The following MT4 variants were observed in gnomAD, a reference collection of about 807,000 sequenced individuals.
MT4 encodes metallothionein 4, also known as metallothionein-4.
MT4 carries 11 observed loss-of-function variants against 9.5 expected under a neutral mutation model. The ratio of observed to expected loss-of-function variants is 1.16; its 90% CI spans 0.73 to 1.92. The LOEUF is 1.92. Ranked by LOEUF, MT4 falls within the 30% of genes most tolerant of loss-of-function variation. The pLI, the probability that MT4 is intolerant of heterozygous loss-of-function variation, is 0.00. For synonymous variants in MT4, 29 were observed against 24.6 expected (o/e 1.18, Z -0.53); for missense variants, 88 against 78.7 (o/e 1.12, Z -0.45).
chr16:56,568,271 G>GAGAGAGAA (rs1567330643), intron 2 of MT4, among the ~76,000 whole-genome samples: 36 of 58,640 alleles, frequency 6.1e-4, no homozygotes, highest in South Asian at 5.0e-3. Context: ...GAGAGAGAGA[G>GAGAGAGAA]AGAAAGAAAG....
At chr16:56,567,603 A>G in intron 1 of MT4, 148 bp from the exon 2 acceptor site, 1 of 685,734 alleles carries the variant, frequency 1.5e-6, no homozygotes. Context: ...CACTGGGTCG[A>G]TGCTCAGCAG....
chr16:56,568,624 C>T (rs1875225), intron 2 of MT4, among the ~76,000 whole-genome samples: 2,336 of 152,238 alleles, frequency 0.015, 45 homozygotes, highest in African/African-American at 0.053. Flanking sequence ...TGGCAAACCC[C>T]CTCCCTTCTG....
At chr16:56,566,798 G>GAA (rs1293946294) in intron 1 of MT4, among the ~76,000 whole-genome samples, 2 of 46,176 alleles carry the variant, frequency 4.3e-5, no homozygotes, top group African/African-American at 1.2e-4. Context: ...AAGAAAGAAA[G>GAA]AAAGAAAGAA....
At position 56,568,882 on chromosome 16, in the gene MT4, CG is replaced by C; in HGVS notation, c.143del (p.Gly48AlafsTer?). The C allele has an allele frequency of 6.2e-7, 1 of 1,608,894 alleles. No homozygotes were observed. Among genetic ancestry groups the C allele is most frequent in the Admixed American group, 1.7e-5 (1 of 59,408 alleles). ...CCCCCCGGGCTGTGCCAAATGTGCC[CG>C]GGGCTGCATCTGCAAAGGAGGCTCA... ...CCPPGCAKCA[R>X]GCICKGGSDK... On this transcript the variant is annotated frameshift_variant, in exon 3 of 3. Transcript: ENST00000219162. LOFTEE classifies it high-confidence loss of function.
intron 2 of MT4, among the ~76,000 whole-genome samples, chr16:56,568,207 G>A (rs1190247051): frequency 1.3e-5 from 1 of 74,194 alleles, no homozygotes; most frequent in African/African-American, 6.0e-5. Context: ...AAGAGAGAGA[G>A]AGAGAGAGAA....
intron 1 of MT4, 134 bp downstream of exon 1, chr16:56,565,293 G>A: frequency 1.1e-6 from 1 of 899,666 alleles, no homozygotes; most frequent in Non-Finnish European, 1.6e-6. Flanking sequence ...GGAGCCGACA[G>A]GTGGACTGGC....
intron 1 of MT4, among the ~76,000 whole-genome samples, chr16:56,566,700 G>GAGAAAGAAAGAAAGAAAGAA (rs779895274): frequency 4.1e-5 from 3 of 73,416 alleles, no homozygotes; most frequent in South Asian, 6.5e-4. Context: ...AAGAAAGAAA[G>GAGAAAGAAAGAAAGAAAGAA]AGAAAGAAAG....
At chr16:56,568,257 A>AGAGAGAGAGAG (rs1567330602) in intron 2 of MT4, among the ~76,000 whole-genome samples, 1 of 83,290 alleles carries the variant, frequency 1.2e-5, no homozygotes, top group Non-Finnish European at 2.3e-5. Flanking sequence ...GAAAGAAAGA[A>AGAGAGAGAGAG]AGAGAGAGAG....
rs1567330627 is a variant in MT4, at chr16:56,568,267, G to GAAAGAAAGAAAGA, written c.97+452_97+453insAAGAAAGAAAGAA. Reference sequence around the variant, plus strand: ...AGAAAGAAAGAAAGAAAGAGAGAGAGAGAGAGAAAGAAAGAAAGAAAGAAA... The same window carrying GAAAGAAAGAAAGA: ...AGAAAGAAAGAAAGAAAGAGAGAGAGAAAGAAAGAAAGAAGAGAGAAAGAAAGAAAGAAAGAAA... On this transcript the variant is annotated intron_variant, in intron 2 of 2. Transcript: ENST00000219162. Among the ~76,000 whole-genome samples, 28 of 68,582 alleles carry GAAAGAAAGAAAGA rather than the reference G, an allele frequency of 4.1e-4. 1 individual carries two copies. Among genetic ancestry groups the GAAAGAAAGAAAGA allele is most frequent in the African/African-American group, 1.5e-3 (26 of 17,872 alleles). The allele number at this position is 68,582 out of a possible 152,430, so 45.0% of individuals were successfully genotyped here.
At chr16:56,566,725 AGAAAGAAAGAAAGAAAGAAAGAAGGAAG>A (rs1407318643) in intron 1 of MT4, among the ~76,000 whole-genome samples, 8 of 25,108 alleles carry the variant, frequency 3.2e-4, no homozygotes, top group African/African-American at 9.0e-4. Context: ...AAAGAAAGAA[AGAAAGAAAGAAAGAAAGAAAGAAGGAAG>A]GAAGGAAGGA....
intron 2 of MT4, among the ~76,000 whole-genome samples, chr16:56,568,215 GAAAGAA>G (rs1959565344): frequency 1.3e-4 from 3 of 23,792 alleles, no homozygotes; most frequent in Non-Finnish European, 2.0e-4. Context: ...GAGAGAGAGA[GAAAGAA>G]AGAAAGAAAG....
intron 1 of MT4, among the ~76,000 whole-genome samples, chr16:56,565,903 A>T (rs1244141400): frequency 1.3e-5 from 2 of 151,594 alleles, no homozygotes; most frequent in African/African-American, 2.4e-5. Flanking sequence ...ATGTCTACAA[A>T]TTTTTTTTAA....
At position 56,568,868 on chromosome 16, in the gene MT4, G is replaced by A; in HGVS notation, c.125G>A (p.Cys42Tyr). 3.7e-6 allele frequency: 6 copies of A among 1,608,410 alleles called. No homozygotes were observed. The highest frequency in any genetic ancestry group is 4.2e-6 in the Non-Finnish European group (5 of 1,177,046). ...KSCCPCCPPG[C>Y]AKCARGCICK... ...TGCTGTCCCTGCTGCCCCCCGGGCT[G>A]TGCCAAATGTGCCCGGGGCTGCATC... The change falls in exon 3 of 3, where the codon TGT becomes TAT. Residue 42 changes from cysteine to tyrosine, a missense_variant. By Grantham distance (194) the Cys-to-Tyr change is radical (BLOSUM62 -2). Coordinates refer to ENST00000219162, the MANE Select transcript of MT4 (RefSeq NM_032935.3).
chr16:56,568,267 G>GAAAGAAAGAAAGAAGAA (rs1567330627), intron 2 of MT4, among the ~76,000 whole-genome samples: 2 of 68,504 alleles, frequency 2.9e-5, no homozygotes, highest in African/African-American at 1.1e-4. Flanking sequence ...AAGAGAGAGA[G>GAAAGAAAGAAAGAAGAA]AGAGAGAAAG....
chr16:56,567,707 C>T, intron 1 of MT4, 44 bp from the exon 2 acceptor site: 1 of 1,577,120 alleles, frequency 6.3e-7, no homozygotes, highest in South Asian at 1.1e-5. Flanking sequence ...TTCCCCACTC[C>T]ATCTCCATCC....
rs1243427670 is a variant in MT4, at chr16:56,566,908, C to G, written c.32-843C>G. On this transcript the variant is annotated intron_variant, in intron 1 of 2. Transcript: ENST00000219162. ...AAAGGAAAGGAAGAAACAAACAAAA[C>G]AAGGTGTGGCTCTGTGGCTCTTGTT... 1.3e-5 allele frequency among the ~76,000 whole-genome samples: 2 copies of G among 152,096 alleles called. 1 individual carries two copies. The highest frequency in any genetic ancestry group is 4.8e-5 in the African/African-American group (2 of 41,408).
At chr16:56,566,791 AAAGAAAGAAAGAAAGAAAGAAAG>A (rs1959533904) in intron 1 of MT4, among the ~76,000 whole-genome samples, 2 of 41,466 alleles carry the variant, frequency 4.8e-5, no homozygotes, top group African/African-American at 1.1e-4. Flanking sequence ...AGAAAGAAAG[AAAGAAAGAAAGAAAGAAAGAAAG>A]AAAGAAAAGA....
At chr16:56,567,663 C>A in intron 1 of MT4, 88 bp from the exon 2 acceptor site, 1 of 1,264,962 alleles carries the variant, frequency 7.9e-7, no homozygotes, top group South Asian at 1.2e-5. Flanking sequence ...GCCCAGGAGC[C>A]TTGCCACTCT....
chr16:56,568,278 A>G (rs1038896701), intron 2 of MT4, among the ~76,000 whole-genome samples: 5 of 122,624 alleles, frequency 4.1e-5, no homozygotes, highest in African/African-American at 1.8e-4. Flanking sequence ...AGAGAGAAAG[A>G]AAGAAAGAAA....
Sources: gnomAD v4.1 joint callset for allele counts (sites outside exome capture counted in the v4.1 genomes callset) on GRCh38, gnomAD v4.1.1 for gene constraint, MANE v1.5 for transcripts, NCBI Gene and HGNC (gene_info 2026-07-23, HGNC 2026-07-21) for gene names.